The following DNAH5 variants were observed in gnomAD, a reference collection of about 807,000 sequenced individuals.
DNAH5 encodes the protein axonemal beta dynein heavy chain 5.
In DNAH5, 372 loss-of-function variants were observed where a neutral mutation model predicts 518.2. The ratio of observed to expected loss-of-function variants is 0.72; its 90% CI spans 0.66 to 0.78. The LOEUF (loss-of-function observed/expected upper bound fraction) is 0.78. Ranked by LOEUF, DNAH5 falls within the 30% of genes least tolerant of loss-of-function variation. The pLI, the probability that DNAH5 is intolerant of heterozygous loss-of-function variation, is 0.00. For synonymous variants in DNAH5, 2,039 were observed against 2,025.9 expected, an observed-to-expected ratio of 1.01 and a Z score of -0.17; for missense variants, 5,523 against 5,687.0, an observed-to-expected ratio of 0.97 and a Z score of 0.93.
At chr5:13,920,652 C>T in intron 5 of DNAH5, 35 bp from the exon 6 acceptor site, 1 of 1,612,780 alleles carries the variant, frequency 6.2e-7, no homozygotes, top group Non-Finnish European at 8.5e-7. Context: ...TCAGATGATG[C>T]TTTTGTAAAA....
chr5:13,989,762 C>A lies in DNAH5; in HGVS notation c.12+21886G>T, dbSNP rs561489791. On this transcript the variant is annotated intron_variant, in intron 1 of 78. Transcript: ENST00000681290. Reference sequence around the variant, plus strand: ...CCTCCCAAAGTGCTCGGATTACAGTCATGAGCCACCACACCCAGCCGAGGG... The same window carrying A: ...CCTCCCAAAGTGCTCGGATTACAGTAATGAGCCACCACACCCAGCCGAGGG... Among the ~76,000 whole-genome samples the A allele has an allele frequency of 9.2e-5, 14 of 152,146 alleles. No homozygotes were observed. The East Asian group carries it at 2.5e-3, about 27-fold the overall frequency.
At chr5:13,896,851 CTAACTT>C (rs2151956283) in intron 15 of DNAH5, 1 of 152,262 alleles carries the variant, frequency 6.6e-6, no homozygotes, top group African/African-American at 2.4e-5. Context: ...TTATAAGAAA[CTAACTT>C]TAATGTGCCC....
intron 22 of DNAH5, among the ~76,000 whole-genome samples, chr5:13,874,516 G>A (rs114933297): frequency 7.2e-5 from 11 of 151,988 alleles, no homozygotes; most frequent in South Asian, 4.2e-4. Context: ...CCAGCTCAAC[G>A]TTTCTATATT....
intron 24 of DNAH5, among the ~76,000 whole-genome samples, chr5:13,869,128 T>C (rs988995099): frequency 1.3e-5 from 2 of 152,142 alleles, no homozygotes; most frequent in Non-Finnish European, 2.9e-5. Context: ...GGTTGGACCA[T>C]GTGATCCCCC....
chr5:13,845,027 C>G, intron 31 of DNAH5, 34 bp from the exon 32 acceptor site: 1 of 1,532,330 alleles, frequency 6.5e-7, no homozygotes, highest in Non-Finnish European at 8.9e-7. Context: ...ACCTTTATAA[C>G]CACACAAAGC....
At chr5:13,788,353 T>C (rs1756399722) in intron 51 of DNAH5, among the ~76,000 whole-genome samples, 1 of 152,206 alleles carries the variant, frequency 6.6e-6, no homozygotes, top group South Asian at 2.1e-4. Flanking sequence ...ACTTTCATTT[T>C]TATGAATGAG....
At chr5:14,002,242 C>T (rs1393473232) in intron 1 of DNAH5, among the ~76,000 whole-genome samples, 1 of 152,048 alleles carries the variant, frequency 6.6e-6, no homozygotes, top group African/African-American at 2.4e-5. Context: ...TGAAAAAAAT[C>T]AGTTAGAAAA....
At chr5:13,847,835 C>T (rs10474998) in intron 31 of DNAH5, among the ~76,000 whole-genome samples, 11,945 of 151,798 alleles carry the variant, frequency 0.079, 1,443 homozygotes, top group African/African-American at 0.27. Flanking sequence ...GAGAGAAAAG[C>T]AATAAACTCA....
At chr5:13,767,046 CA>C (rs1752601239) in intron 58 of DNAH5, among the ~76,000 whole-genome samples, 1 of 151,904 alleles carries the variant, frequency 6.6e-6, no homozygotes, top group African/African-American at 2.4e-5. Context: ...GGACTGAGGA[CA>C]AAGAAAAAAC....
At chr5:13,967,578 G>A (rs953249321) in intron 1 of DNAH5, among the ~76,000 whole-genome samples, 2 of 152,178 alleles carry the variant, frequency 1.3e-5, no homozygotes, top group Non-Finnish European at 2.9e-5. Flanking sequence ...GATGACTATA[G>A]CCTTATAGTA....
chr5:13,761,614 T>G (rs1751797918), intron 60 of DNAH5, among the ~76,000 whole-genome samples: 1 of 150,574 alleles, frequency 6.6e-6, no homozygotes, highest in South Asian at 2.1e-4. Flanking sequence ...AAAGACACTA[T>G]GCATGGTTAC....
intron 68 of DNAH5, among the ~76,000 whole-genome samples, chr5:13,730,857 C>T (rs572354608): frequency 5.7e-4 from 87 of 152,118 alleles, no homozygotes; most frequent in South Asian, 4.2e-4. Context: ...TGCATGACCA[C>T]GCCTGGCTAA....
intron 1 of DNAH5, among the ~76,000 whole-genome samples, chr5:13,978,264 C>T (rs1222473437): frequency 1.3e-5 from 2 of 152,220 alleles, no homozygotes; most frequent in African/African-American, 4.8e-5. Flanking sequence ...TGGTGAAGCA[C>T]TACTCTAGAT....
intron 1 of DNAH5, 41 bp downstream of exon 1, chr5:13,944,341 T>A: frequency 6.2e-7 from 1 of 1,601,226 alleles, no homozygotes; most frequent in Non-Finnish European, 8.6e-7. Flanking sequence ...CAGATGATAA[T>A]CCAAAACACA....
rs1554018591 is a variant in DNAH5, at chr5:13,713,107, GTATA to G, written c.13125+1294_13125+1297del. Reference sequence around the variant, plus strand: ...TATAAAGAAACTGTGGTGTGTGTGTGTATATATATATATATATACACACACACTG... The same window carrying G: ...TATAAAGAAACTGTGGTGTGTGTGTGTATATATATATATACACACACACTG... On this transcript the variant is annotated intron_variant, in intron 75 of 78. Transcript: ENST00000265104. Among the ~76,000 whole-genome samples, 4 of 139,934 alleles carry G rather than the reference GTATA, an allele frequency of 2.9e-5. No individual in the cohort carries two copies. The East Asian group carries it at 6.3e-4, about 22-fold the overall frequency. 91.8% of individuals were successfully genotyped at this position (139,934 alleles called of 152,430 possible).
chr5:13,744,859 A>G (rs1749114248), intron 65 of DNAH5, among the ~76,000 whole-genome samples: 2 of 152,126 alleles, frequency 1.3e-5, no homozygotes, highest in Non-Finnish European at 2.9e-5. Flanking sequence ...ATTACCAAAT[A>G]TTATTTCTCT....
intron 59 of DNAH5, among the ~76,000 whole-genome samples, chr5:13,763,775 C>T (rs1752103770): frequency 6.6e-6 from 1 of 152,100 alleles, no homozygotes; most frequent in South Asian, 2.1e-4. Flanking sequence ...CCAAAAAAAG[C>T]CAGATGAATG....
chr5:13,713,300 G>A (rs1286147263), intron 75 of DNAH5, among the ~76,000 whole-genome samples: 6 of 131,630 alleles, frequency 4.6e-5, no homozygotes, highest in South Asian at 5.0e-4. Flanking sequence ...TATATATACC[G>A]ACATATATAT....
In DNAH5 at chr5:13,691,261, T is replaced by A. The variant is rs1187959782; in HGVS notation, c.*723A>T. 6.6e-6 allele frequency: 1 copy of A among 152,222 alleles called. No homozygotes were observed. Among genetic ancestry groups the A allele is most frequent in the Admixed American group, 6.5e-5 (1 of 15,286 alleles). 9.4% of individuals were successfully genotyped at this position (152,222 alleles called of 1,614,324 possible). A position where few individuals can be genotyped will look rare whatever the true frequency, so the allele number is the denominator to read the frequency against. Reference sequence around the variant, plus strand: ...ATGGCTCTTTCTGTATTTAATCATTTTACAAAAAGGTTGGGTTGATTTACA... The same window carrying A: ...ATGGCTCTTTCTGTATTTAATCATTATACAAAAAGGTTGGGTTGATTTACA... On this transcript the variant is annotated 3_prime_UTR_variant, in exon 79 of 79. Coordinates refer to ENST00000265104, the MANE Select transcript of DNAH5 (RefSeq NM_001369.3).
Sources: allele counts gnomAD v4.1 joint callset (sites outside exome capture counted in the v4.1 genomes callset), GRCh38; gene constraint gnomAD v4.1.1; transcripts MANE v1.5; gene names NCBI Gene and HGNC (gene_info 2026-07-23, HGNC 2026-07-21).